TCF12: variants seen among roughly 807,000 people sequenced by gnomAD.
TCF12 encodes transcription factor 12.
TCF12 carries 45 observed loss-of-function variants against 86.0 expected under a neutral mutation model. That is an observed-to-expected ratio of 0.52 (90% CI 0.41 to 0.67). The LOEUF is 0.67. TCF12 is among the 30% of genes least tolerant of loss of function. The probability of loss-of-function intolerance (pLI) is 0.00; values close to 1 mark genes in which losing one functional copy is unlikely to be tolerated. For synonymous variants in TCF12, 330 were observed against 299.6 expected (o/e 1.10, Z -1.05); for missense variants, 881 against 859.9 (o/e 1.02, Z -0.31).
chr15:57,083,245 A>G (rs74781612), intron 4 of TCF12, among the ~76,000 whole-genome samples: 6,269 of 152,230 alleles, frequency 0.041, 359 homozygotes, highest in African/African-American at 0.13. Flanking sequence ...TTGTGGGCAC[A>G]TGACTTTTTA....
At chr15:56,990,322 T>C (rs1262157451) in intron 3 of TCF12, among the ~76,000 whole-genome samples, 2 of 151,948 alleles carry the variant, frequency 1.3e-5, no homozygotes, top group Non-Finnish European at 2.9e-5. Flanking sequence ...TAAGATTTAA[T>C]GTTGTTACTT....
At chr15:57,124,143 T>A (rs1732701218) in intron 5 of TCF12, among the ~76,000 whole-genome samples, 1 of 152,088 alleles carries the variant, frequency 6.6e-6, no homozygotes, top group African/African-American at 2.4e-5. Context: ...TCTAAAGGCC[T>A]CTGGCTCAGA....
At chr15:57,167,549 ACT>A (rs1332626085) in intron 6 of TCF12, among the ~76,000 whole-genome samples, 1 of 151,782 alleles carries the variant, frequency 6.6e-6, no homozygotes, top group Admixed American at 6.6e-5. Context: ...TGACAGTAAG[ACT>A]CTGTCTCAAA....
chr15:57,224,637 T>C (rs1370779588), intron 8 of TCF12, among the ~76,000 whole-genome samples: 2 of 152,192 alleles, frequency 1.3e-5, no homozygotes, highest in East Asian at 3.8e-4. Context: ...GAAATTTCAT[T>C]TTATTTTCCC....
At chr15:57,125,231 T>A (rs546616519) in intron 5 of TCF12, among the ~76,000 whole-genome samples, 1 of 152,218 alleles carries the variant, frequency 6.6e-6, no homozygotes, top group Non-Finnish European at 1.5e-5. Flanking sequence ...CAAGTATGAT[T>A]TGAGGCCTGA....
Position 57,253,370 on chromosome 15 carries a change from C to T in TCF12, c.1369C>T (p.His457Tyr), listed in dbSNP as rs372631545. 6.2e-6 allele frequency: 10 copies of T among 1,613,964 alleles called. No homozygotes were observed. The highest frequency in any genetic ancestry group is 5.3e-5 in the African/African-American group (4 of 74,912). ...TSLPAGHSDI[H>Y]SLLGPSHNAP... ...TTTGCCTGCTGGTCACAGTGATATA[C>T]ATAGTTTATTGGGACCATCCCATAA... The change falls in exon 16 of 21, where the codon CAT (histidine) becomes TAT (tyrosine). Residue 457 changes from histidine to tyrosine, a missense_variant. By Grantham distance (83) the His-to-Tyr change is moderately conservative. Transcript: ENST00000333725.
rs761155684 is a variant in TCF12, at chr15:57,157,553, CTTT to C, written c.326-8835_326-8833del. Among the ~76,000 whole-genome samples, 509 of 137,160 alleles carry C rather than the reference CTTT, an allele frequency of 3.7e-3. 3 individuals carry two copies. Among genetic ancestry groups the C allele is most frequent in the African/African-American group, 4.7e-3 (175 of 37,342 alleles). The allele number at this position is 137,160 out of a possible 152,430, so 90.0% of individuals were successfully genotyped here. On this transcript the variant is annotated intron_variant, in intron 5 of 20. Transcript: ENST00000333725. ...AGCTACCTTTAATTATAGTTTACTT[CTTT>C]TTTTTTTTTTTTTCCTTTTTTGAGT...
At chr15:57,149,536 A>G (rs1222309388) in intron 5 of TCF12, among the ~76,000 whole-genome samples, 1 of 152,246 alleles carries the variant, frequency 6.6e-6, no homozygotes, top group Non-Finnish European at 1.5e-5. Flanking sequence ...TGGAATTCAA[A>G]GTATTTTAGA....
At chr15:57,056,580 C>T (rs1390970405) in intron 3 of TCF12, among the ~76,000 whole-genome samples, 1 of 152,138 alleles carries the variant, frequency 6.6e-6, no homozygotes, top group Admixed American at 6.5e-5. Context: ...CAATGTTAAC[C>T]TCCCACGTAG....
rs2059701841 is a variant in TCF12 at position 56,919,900 on chromosome 15, A to G, written c.-14A>G. The stretch of plus-strand genomic sequence containing the variant: ...CGTTTCCTCTGCCCTAGGACCTGCT[A>G]GAAGTGGCCGAAGATGAATCCCCAG... On this transcript the variant is annotated 5_prime_UTR_variant, in exon 2 of 21. The change abolishes the stop of an existing upstream ORF in the 5' untranslated region. Coordinates refer to ENST00000333725, the MANE Select transcript of TCF12 (RefSeq NM_207037.2). 1.2e-6 allele frequency: 2 copies of G among 1,613,618 alleles called. No homozygotes were observed. Among genetic ancestry groups the G allele is most frequent in the Non-Finnish European group, 1.7e-6 (2 of 1,179,734 alleles).
chr15:57,170,713 A>ATT lies in TCF12; in HGVS notation c.390+4248_390+4249insTT, dbSNP rs1567558936. 3.9e-3 allele frequency among the ~76,000 whole-genome samples: 103 copies of ATT among 26,386 alleles called. 4 individuals are homozygous for ATT. The highest frequency in any genetic ancestry group is 0.011 in the African/African-American group (101 of 8,856). 17.3% of individuals were successfully genotyped at this position (26,386 alleles called of 152,430 possible). ...TAATATATATTATATATAATATATA[A>ATT]TATATATATTATATATTATATATAA... is the stretch of plus-strand genomic sequence containing the variant. On this transcript the variant is annotated intron_variant, in intron 6 of 20. Transcript: ENST00000333725.
At chr15:57,254,350 C>A (rs1293499918) in intron 16 of TCF12, among the ~76,000 whole-genome samples, 1 of 152,152 alleles carries the variant, frequency 6.6e-6, no homozygotes, top group African/African-American at 2.4e-5. Flanking sequence ...ACATATCTTA[C>A]ACATACATAC....
chr15:57,192,037 A>G, intron 6 of TCF12, 121 bp from the exon 7 acceptor site: 2 of 1,099,090 alleles, frequency 1.8e-6, no homozygotes, highest in Admixed American at 2.3e-5. Flanking sequence ...AAACGTACTT[A>G]ATGGGTGCGT....
chr15:57,277,286 C>T (rs1196097695), intron 19 of TCF12, among the ~76,000 whole-genome samples: 1 of 152,028 alleles, frequency 6.6e-6, no homozygotes, highest in East Asian at 1.9e-4. Context: ...GATCATGCTA[C>T]TACACTCCAG....
chr15:56,932,362 C>G lies in TCF12; in HGVS notation c.148+11264C>G, dbSNP rs566354457. 1.4e-4 allele frequency among the ~76,000 whole-genome samples: 22 copies of G among 152,208 alleles called. No individual in the cohort carries two copies. In the South Asian group the frequency reaches 4.4e-3, roughly 30 times the overall value. ...CCCCTCAGAAGTAGCAAACTCTAAT[C>G]AGTTGTAGTTGCACCTGCACTGATA... On this transcript the variant is annotated intron_variant, in intron 3 of 20. Coordinates refer to ENST00000333725, the MANE Select transcript of TCF12 (RefSeq NM_207037.2).
At chr15:57,212,667 T>C (rs2058162479) in intron 8 of TCF12, among the ~76,000 whole-genome samples, 1 of 152,178 alleles carries the variant, frequency 6.6e-6, no homozygotes. Flanking sequence ...AAAATAGGAA[T>C]TCAGAGTTTT....
chr15:56,970,786 A>G (rs1486953881), intron 3 of TCF12, among the ~76,000 whole-genome samples: 1 of 151,684 alleles, frequency 6.6e-6, no homozygotes, highest in Non-Finnish European at 1.5e-5. Flanking sequence ...GTGGTGGCTC[A>G]TGCCTGTAAT....
At chr15:56,994,120 A>G (rs1444936946) in intron 3 of TCF12, among the ~76,000 whole-genome samples, 1 of 152,236 alleles carries the variant, frequency 6.6e-6, no homozygotes, top group African/African-American at 2.4e-5. Context: ...GGATGGGTCA[A>G]TAGCAGAATG....
At chr15:57,283,451 G>A (rs1423678238) in intron 20 of TCF12, among the ~76,000 whole-genome samples, 1 of 152,114 alleles carries the variant, frequency 6.6e-6, no homozygotes, top group Non-Finnish European at 1.5e-5. Context: ...TTTTAGTAGA[G>A]ATGGGATTTC....
Sources: allele counts gnomAD v4.1 joint callset (sites outside exome capture counted in the v4.1 genomes callset), GRCh38; gene constraint gnomAD v4.1.1; transcripts MANE v1.5; gene names NCBI Gene and HGNC (gene_info 2026-07-23, HGNC 2026-07-21).